SLC39A8: variants seen among roughly 807,000 people sequenced by gnomAD.
The protein encoded by SLC39A8 is solute carrier family 39 member 8.
A neutral mutation model predicts 40.4 loss-of-function variants in SLC39A8; 15 were observed. The ratio of observed to expected loss-of-function variants is 0.37; its 90% CI spans 0.25 to 0.57. The LOEUF is 0.57. Among genes scored for constraint, SLC39A8 ranks in the 20% least tolerant of loss-of-function variants. The probability of loss-of-function intolerance (pLI) is 0.75; values close to 1 mark genes in which losing one functional copy is unlikely to be tolerated. For synonymous variants in SLC39A8, 223 were observed against 221.6 expected (o/e 1.01, Z -0.06); for missense variants, 472 against 558.8 (o/e 0.84, Z 1.57).
At chr4:102,253,261 G>A (rs1731634464) in exon 12 of SLC39A8, 1 of 431,744 alleles carries the variant, frequency 2.3e-6, no homozygotes, top group Admixed American at 4.3e-5. Context: ...CTAGAAAGAA[G>A]AGGCTGTATC....
chr4:102,324,628 C>T (rs1019960350), intron 2 of SLC39A8, among the ~76,000 whole-genome samples: 8 of 152,086 alleles, frequency 5.3e-5, no homozygotes, highest in African/African-American at 1.4e-4. Context: ...ACATATTTAC[C>T]GAGCACTACT....
intron 2 of SLC39A8, among the ~76,000 whole-genome samples, chr4:102,319,077 AG>A (rs1355344379): frequency 9.8e-5 from 15 of 152,338 alleles, no homozygotes; most frequent in African/African-American, 3.6e-4. Context: ...CATTATAGGT[AG>A]GGGCTAGGTA....
chr4:102,271,810 A>G (rs923559665), intron 6 of SLC39A8, among the ~76,000 whole-genome samples: 1 of 152,212 alleles, frequency 6.6e-6, no homozygotes, highest in African/African-American at 2.4e-5. Flanking sequence ...TTTTTAGCAA[A>G]GGAAGTGAGA....
chr4:102,256,313 A>T (rs1165819998), intron 11 of SLC39A8, among the ~76,000 whole-genome samples: 1 of 152,224 alleles, frequency 6.6e-6, no homozygotes, highest in East Asian at 1.9e-4. Flanking sequence ...CTATAGATAC[A>T]TCTACACGAG....
intron 6 of SLC39A8, among the ~76,000 whole-genome samples, chr4:102,292,958 CAG>C (rs1733518786): frequency 1.3e-5 from 2 of 151,980 alleles, no homozygotes; most frequent in African/African-American, 4.8e-5. Flanking sequence ...GATTAGTTAT[CAG>C]AGTCAGATTT....
intron 6 of SLC39A8, among the ~76,000 whole-genome samples, chr4:102,275,700 T>C (rs9991152): frequency 0.039 from 5,872 of 152,198 alleles, 425 homozygotes; most frequent in African/African-American, 0.14. Flanking sequence ...CAGCACCACA[T>C]AGCACTTATT....
At chr4:102,308,453 T>A (rs925655796) in intron 3 of SLC39A8, among the ~76,000 whole-genome samples, 6 of 152,116 alleles carry the variant, frequency 3.9e-5, no homozygotes, top group Non-Finnish European at 7.4e-5. Flanking sequence ...CTATAGCTAA[T>A]GGCATGTGTG....
At chr4:102,271,851 C>A (rs1732377888) in intron 6 of SLC39A8, among the ~76,000 whole-genome samples, 1 of 152,118 alleles carries the variant, frequency 6.6e-6, no homozygotes, top group South Asian at 2.1e-4. Context: ...ATTCATGGAT[C>A]ACATCACCTG....
At chr4:102,329,953 C>T (rs188281720) in intron 2 of SLC39A8, among the ~76,000 whole-genome samples, 1 of 152,194 alleles carries the variant, frequency 6.6e-6, no homozygotes, top group Non-Finnish European at 1.5e-5. Context: ...GAAATTAACG[C>T]AGAAATAAGT....
At chr4:102,266,766 C>G (rs960494856) in intron 8 of SLC39A8, among the ~76,000 whole-genome samples, 3 of 152,114 alleles carry the variant, frequency 2.0e-5, no homozygotes, top group Admixed American at 6.5e-5. Flanking sequence ...CGCCACCACG[C>G]CCGGCTAATT....
At chr4:102,294,867 G>C (rs1485054802) in intron 6 of SLC39A8, among the ~76,000 whole-genome samples, 1 of 151,758 alleles carries the variant, frequency 6.6e-6, no homozygotes, top group Non-Finnish European at 1.5e-5. Context: ...TAATCAGAAA[G>C]ACAAATCAGA....
intron 2 of SLC39A8, among the ~76,000 whole-genome samples, chr4:102,320,239 A>T (rs1734868400): frequency 7.2e-6 from 1 of 138,302 alleles, no homozygotes. Flanking sequence ...GTATATATAT[A>T]TGAGAATATA....
At chr4:102,337,320 T>A (rs185812842) in intron 2 of SLC39A8, among the ~76,000 whole-genome samples, 1 of 152,032 alleles carries the variant, frequency 6.6e-6, no homozygotes, top group African/African-American at 2.4e-5. Context: ...AATAGGTTTT[T>A]ATGACTAGAA....
chr4:102,340,253 T>C (rs1560573648), intron 2 of SLC39A8, among the ~76,000 whole-genome samples: 3 of 152,110 alleles, frequency 2.0e-5, no homozygotes, highest in South Asian at 2.1e-4. Flanking sequence ...TAAAAATCTT[T>C]TGGAGGGTAG....
chr4:102,336,250 C>G (rs1735669464), intron 2 of SLC39A8, among the ~76,000 whole-genome samples: 1 of 152,174 alleles, frequency 6.6e-6, no homozygotes, highest in Admixed American at 6.5e-5. Flanking sequence ...ATGAGTAAGG[C>G]TCTTTTTTTC....
intron 6 of SLC39A8, among the ~76,000 whole-genome samples, chr4:102,294,718 A>G (rs953855886): frequency 2.6e-5 from 4 of 152,100 alleles, no homozygotes; most frequent in African/African-American, 9.7e-5. Context: ...CTGTTTTAAC[A>G]AGTGTCAGAA....
rs562687590 is a variant in SLC39A8, at chr4:102,298,194, A to G, written c.840+6123T>C. Reference sequence around the variant, plus strand: ...AGTAATAAAAAAAAAACTTTAGAACAGTTTTTCATGAATAAAAGTATACTT... The same window carrying G: ...AGTAATAAAAAAAAAACTTTAGAACGGTTTTTCATGAATAAAAGTATACTT... On this transcript the variant is annotated intron_variant, in intron 6 of 8. Transcript: ENST00000356736. Among the ~76,000 whole-genome samples, 13 of 152,178 alleles carry G rather than the reference A, an allele frequency of 8.5e-5. No individual in the cohort carries two copies. The South Asian group carries it at 2.7e-3, about 32-fold the overall frequency.
chr4:102,252,592 C>T (rs13126885), exon 12 of SLC39A8: 83,228 of 151,816 alleles, frequency 0.55, 23,079 homozygotes, highest in Middle Eastern at 0.63. Context: ...TTATTACACA[C>T]ACCAAAAAAA....
intron 6 of SLC39A8, among the ~76,000 whole-genome samples, chr4:102,288,566 A>G (rs186854547): frequency 6.6e-6 from 1 of 152,294 alleles, no homozygotes; most frequent in East Asian, 1.9e-4. Flanking sequence ...GCCAAGATAG[A>G]CCAAATCTAG....
Sources: allele counts gnomAD v4.1 joint callset (sites outside exome capture counted in the v4.1 genomes callset), GRCh38; gene constraint gnomAD v4.1.1; transcripts MANE v1.5; gene names NCBI Gene and HGNC (gene_info 2026-07-23, HGNC 2026-07-21).